The following APC variants were observed in gnomAD, a reference collection of about 807,000 sequenced individuals.
APC encodes the protein adenomatous polyposis coli protein.
A neutral mutation model predicts 247.0 loss-of-function variants in APC; 72 were observed. The ratio of observed to expected loss-of-function variants is 0.29; its 90% confidence interval spans 0.24 to 0.35. The LOEUF (loss-of-function observed/expected upper bound fraction) is 0.35. Ranked by LOEUF, APC falls within the 10% of genes least tolerant of loss-of-function variation. APC has a pLI of 1.00. For missense variants in APC, 3,400 were observed against 3,360.7 expected (o/e 1.01, Z -0.29); for synonymous variants, 1,254 against 1,162.5 (o/e 1.08, Z -1.60).
rs1554088977 is a variant in APC at position 112,843,808 on chromosome 5, A to G, written c.8214A>G (p.Ile2738Met). The change falls in exon 16 of 16, where the codon ATA (isoleucine) becomes ATG (methionine). Residue 2738 changes from isoleucine to methionine, a missense_variant. By Grantham distance (10) the Ile-to-Met change is conservative. Coordinates refer to ENST00000257430, the MANE Select transcript of APC (RefSeq NM_000038.6). This position sits in a 1 kb window ranked among gnomAD's most constrained non-coding sequence, Gnocchi z 4.8. ...CCCCTGACCAAAAAGGAACTGAGAT[A>G]AAACCAGGACAAAATAATCCTGTCC... ...VDAPDQKGTE[I>M]KPGQNNPVPV... is the part of the protein sequence containing the mutation. 6.2e-7 allele frequency: 1 copy of G among 1,614,128 alleles called. No individual in the cohort carries two copies. Among genetic ancestry groups the G allele is most frequent in the South Asian group, 1.1e-5 (1 of 91,088 alleles).
At chr5:112,820,776 C>A (rs889848159) in intron 10 of APC, among the ~76,000 whole-genome samples, 10 of 152,242 alleles carry the variant, frequency 6.6e-5, no homozygotes, top group Non-Finnish European at 1.0e-4. Context: ...TTCTTAGTCA[C>A]CCTTTTAAAA....
At position 112,839,366 on chromosome 5, in the gene APC, A is replaced by T. The variant is rs774968240; in HGVS notation, c.3772A>T (p.Thr1258Ser). Residue 1258 changes from threonine to serine, a missense_variant, in exon 16 of 16, where the codon ACA becomes TCA. Around this residue, in one of 9 missense-constraint regions of APC, gnomAD observed 715 missense variants for 656.6 expected, o/e 1.09. Coordinates refer to ENST00000257430, the MANE Select transcript of APC (RefSeq NM_000038.6). This position sits in a 1 kb window ranked among gnomAD's most constrained non-coding sequence, Gnocchi z 5.0. ...CAAAGTTTCTTCTATTAACCAAGAA[A>T]CAATACAGACTTATTGTGTAGAAGA... ...TCKVSSINQE[T>S]IQTYCVEDTP... 1.2e-6 allele frequency: 2 copies of T among 1,613,640 alleles called. No individual in the cohort carries two copies. The highest frequency in any genetic ancestry group is 1.7e-6 in the Non-Finnish European group (2 of 1,179,790).
chr5:112,756,979 T>C (rs1156538676), intron 2 of APC, among the ~76,000 whole-genome samples: 1 of 152,198 alleles, frequency 6.6e-6, no homozygotes, highest in East Asian at 1.9e-4. Flanking sequence ...GAGTGTCATG[T>C]TGGTGCTCAG....
intron 15 of APC, among the ~76,000 whole-genome samples, chr5:112,836,165 T>TCCCCCCC (rs59050067): frequency 8.2e-5 from 2 of 24,492 alleles, no homozygotes; most frequent in South Asian, 4.4e-3. Flanking sequence ...GGATTACAGG[T>TCCCCCCC]CCCCCCCCCC....
intron 14 of APC, among the ~76,000 whole-genome samples, chr5:112,831,711 G>A (rs1052469807): frequency 6.6e-6 from 1 of 152,134 alleles, no homozygotes; most frequent in Non-Finnish European, 1.5e-5. Context: ...ACTTAAAGCT[G>A]TTGGTCCCTT....
chr5:112,722,713 C>G (rs6898133), intron 1 of APC, among the ~76,000 whole-genome samples: 79,698 of 151,830 alleles, frequency 0.52, 21,471 homozygotes, highest in East Asian at 0.81. Context: ...TACTATAAAG[C>G]ATATTACAAG....
At position 112,792,347 on chromosome 5, in the gene APC, G is replaced by T. The variant is rs949433359; in HGVS notation, c.646-99G>T. On this transcript the variant is annotated intron_variant, in intron 6 of 15. Coordinates refer to ENST00000257430, the MANE Select transcript of APC (RefSeq NM_000038.6). The stretch of plus-strand genomic sequence containing the variant: ...CTAGCTTTTTAAATGAGAATGATTT[G>T]ACATAACCCTGAGCTTTTAAGTGGT... 14 of 760,952 alleles carry T rather than the reference G, an allele frequency of 1.8e-5. No individual in the cohort carries two copies. The Admixed American group carries it at 3.4e-4, about 19-fold the overall frequency. The allele number at this position is 760,952 out of a possible 1,614,324, so 47.1% of individuals were successfully genotyped here. A position where few individuals can be genotyped will look rare whatever the true frequency, so the allele number is the denominator to read the frequency against.
At chr5:112,824,441 A>T (rs1763442050) in intron 11 of APC, among the ~76,000 whole-genome samples, 1 of 152,146 alleles carries the variant, frequency 6.6e-6, no homozygotes. Flanking sequence ...TGATAGTCTA[A>T]ATTTTTTTGA....
chr5:112,780,446 A>G (rs1758197384), intron 5 of APC, among the ~76,000 whole-genome samples: 1 of 152,196 alleles, frequency 6.6e-6, no homozygotes. Context: ...TTAATAATTA[A>G]AAGTAGTGCC....
chr5:112,807,128 A>G (rs1016044112), intron 8 of APC, among the ~76,000 whole-genome samples: 2 of 147,430 alleles, frequency 1.4e-5, no homozygotes, highest in Non-Finnish European at 3.0e-5. Context: ...GCAAGACTCT[A>G]TCTCAAGGAA....
chr5:112,744,857 G>A (rs1347056608), intron 1 of APC, among the ~76,000 whole-genome samples: 1 of 152,198 alleles, frequency 6.6e-6, no homozygotes, highest in African/African-American at 2.4e-5. Context: ...GAGAGCATGA[G>A]CATTAAAAAC....
intron 8 of APC, 43 bp downstream of exon 8, chr5:112,801,426 A>G: frequency 1.2e-5 from 16 of 1,382,750 alleles, no homozygotes; most frequent in Non-Finnish European, 1.6e-5. Context: ...TTATTTAAAT[A>G]TCAGAAAAGT....
chr5:112,741,211 A>G (rs967543989), intron 1 of APC, among the ~76,000 whole-genome samples: 1 of 152,232 alleles, frequency 6.6e-6, no homozygotes, highest in Non-Finnish European at 1.5e-5. Flanking sequence ...AAATTTCATT[A>G]CAAGTTAAAC....
At chr5:112,824,231 A>T (rs907842544) in intron 11 of APC, among the ~76,000 whole-genome samples, 1 of 152,206 alleles carries the variant, frequency 6.6e-6, no homozygotes, top group African/African-American at 2.4e-5. Context: ...GTAGAAGGAC[A>T]TGTTCATCAT....
intron 4 of APC, among the ~76,000 whole-genome samples, chr5:112,772,734 C>G (rs1757196517): frequency 1.3e-5 from 2 of 152,132 alleles, no homozygotes; most frequent in Non-Finnish European, 2.9e-5. Flanking sequence ...CCAGGCTGGT[C>G]TCGAACTCCT....
chr5:112,739,825 A>T (rs1225707824), intron 1 of APC, among the ~76,000 whole-genome samples: 1 of 152,244 alleles, frequency 6.6e-6, no homozygotes, highest in Admixed American at 6.5e-5. Flanking sequence ...TTTGAATTCC[A>T]TTAGCATAGT....
chr5:112,728,772 A>T (rs1380323588), intron 1 of APC, among the ~76,000 whole-genome samples: 1 of 152,084 alleles, frequency 6.6e-6, no homozygotes, highest in Non-Finnish European at 1.5e-5. Context: ...GCTATAAATT[A>T]GTAACAGTGT....
intron 2 of APC, 122 bp downstream of exon 2, chr5:112,755,147 T>G (rs1000065592): frequency 7.3e-7 from 1 of 1,370,832 alleles, no homozygotes; most frequent in African/African-American, 1.5e-5. Flanking sequence ...ATATGTAAAC[T>G]CTTTCTTGCA....
intron 8 of APC, among the ~76,000 whole-genome samples, chr5:112,803,418 T>G (rs1316967138): frequency 6.6e-6 from 1 of 152,192 alleles, no homozygotes; most frequent in African/African-American, 2.4e-5. Flanking sequence ...AGCTGTAGAT[T>G]AGTTAAGTGG....
Sources: allele counts gnomAD v4.1 joint callset (sites outside exome capture counted in the v4.1 genomes callset), GRCh38; gene constraint gnomAD v4.1.1; regional missense constraint gnomAD v4.1.1; non-coding constraint Gnocchi (gnomAD v3.1); transcripts MANE v1.5; gene names NCBI Gene and HGNC (gene_info 2026-07-23, HGNC 2026-07-21).